ADSL: variants seen among roughly 807,000 people sequenced by gnomAD.
ADSL encodes adenylosuccinase.
A neutral mutation model predicts 62.1 loss-of-function variants in ADSL; 44 were observed. The ratio of observed to expected loss-of-function variants is 0.71; its 90% CI spans 0.56 to 0.91. ADSL has a LOEUF of 0.91. ADSL is among the 40% of genes least tolerant of loss of function. The probability of loss-of-function intolerance (pLI) is 0.00; values close to 1 mark genes in which losing one functional copy is unlikely to be tolerated. For synonymous variants in ADSL, 198 were observed against 220.5 expected, an observed-to-expected ratio of 0.90 and a Z score of 0.90; for missense variants, 531 against 627.4, an observed-to-expected ratio of 0.85 and a Z score of 1.64.
chr22:40,361,677 G>T, intron 9 of ADSL, 42 bp downstream of exon 9: 1 of 1,606,296 alleles, frequency 6.2e-7, no homozygotes, highest in South Asian at 1.1e-5. Flanking sequence ...GTTGAGTGGA[G>T]GTCTGAAGGA....
intron 8 of ADSL, 70 bp downstream of exon 8, chr22:40,361,412 AT>A (rs1443495208): frequency 2.5e-6 from 4 of 1,612,118 alleles, no homozygotes; most frequent in Non-Finnish European, 3.4e-6. Flanking sequence ...CTGAGAGCTC[AT>A]TCAGCATGCT....
chr22:40,375,169 G>T (rs971691182), intron 2 of ADSL, among the ~76,000 whole-genome samples: 3 of 152,146 alleles, frequency 2.0e-5, no homozygotes, highest in Admixed American at 6.6e-5. Flanking sequence ...CTTTTTCTAA[G>T]TGTGATACAT....
chr22:40,372,956 C>T (rs1458359749), downstream of ADSL: 2 of 152,124 alleles, frequency 1.3e-5, no homozygotes, highest in African/African-American at 2.4e-5. Context: ...CAGACTGTCA[C>T]AAGGAAATGG....
intron 6 of ADSL, among the ~76,000 whole-genome samples, chr22:40,359,758 C>G (rs981923372): frequency 6.6e-6 from 1 of 152,076 alleles, no homozygotes; most frequent in African/African-American, 2.4e-5. Flanking sequence ...GTCTCCAACT[C>G]CTGAGATCAA....
chr22:40,364,133 A>C (rs1229180900), intron 10 of ADSL, 143 bp from the exon 11 acceptor site: 1 of 718,238 alleles, frequency 1.4e-6, no homozygotes, highest in Non-Finnish European at 2.5e-6. Flanking sequence ...CTGAAAAAAC[A>C]TCATATAGAA....
chr22:40,359,974 T>C (rs894208864), intron 6 of ADSL, among the ~76,000 whole-genome samples: 1 of 152,242 alleles, frequency 6.6e-6, no homozygotes, highest in Non-Finnish European at 1.5e-5. Flanking sequence ...ACCATTTCCA[T>C]TGAGGTCCAC....
intron 4 of ADSL, among the ~76,000 whole-genome samples, chr22:40,355,201 A>C (rs1362455494): frequency 1.3e-5 from 2 of 152,004 alleles, no homozygotes; most frequent in Non-Finnish European, 2.9e-5. Flanking sequence ...CAGTGGTGTG[A>C]TTTTGGCTCA....
chr22:40,346,751 G>C, intron 1 of ADSL, 40 bp downstream of exon 1: 2 of 1,562,590 alleles, frequency 1.3e-6, no homozygotes, highest in Non-Finnish European at 1.7e-6. Flanking sequence ...CGGGAGGGAC[G>C]GGCCCGCCCC....
intron 9 of ADSL, among the ~76,000 whole-genome samples, chr22:40,361,952 G>A (rs1358897346): frequency 6.6e-6 from 1 of 152,220 alleles, no homozygotes; most frequent in African/African-American, 2.4e-5. Flanking sequence ...AAGGCACAAA[G>A]CAGGAGAAAA....
At chr22:40,362,667 C>T (rs1433826168) in intron 9 of ADSL, among the ~76,000 whole-genome samples, 1 of 152,058 alleles carries the variant, frequency 6.6e-6, no homozygotes, top group African/African-American at 2.4e-5. Context: ...GAGGCAGGAG[C>T]TACAAGGGAG....
chr22:40,361,033 C>T (rs2044763723), intron 7 of ADSL: 2 of 586,014 alleles, frequency 3.4e-6, no homozygotes, highest in African/African-American at 1.9e-5. Context: ...TTCCATGATG[C>T]CTTAAGCAGT....
intron 7 of ADSL, among the ~76,000 whole-genome samples, chr22:40,360,862 A>G (rs960696180): frequency 4.7e-4 from 72 of 152,112 alleles, no homozygotes; most frequent in Non-Finnish European, 8.7e-4. Context: ...GGCATGCACC[A>G]CAATGTCTGG....
At chr22:40,352,376 A>T (rs1455086408) in intron 2 of ADSL, among the ~76,000 whole-genome samples, 1 of 151,990 alleles carries the variant, frequency 6.6e-6, no homozygotes, top group Non-Finnish European at 1.5e-5. Context: ...AAAATACAAA[A>T]AATTAGCTGG....
At chr22:40,355,401 G>A (rs779204237) in intron 4 of ADSL, among the ~76,000 whole-genome samples, 7 of 151,968 alleles carry the variant, frequency 4.6e-5, no homozygotes, top group African/African-American at 1.4e-4. Flanking sequence ...CTTGAGATCC[G>A]CCCACCTCGG....
intron 2 of ADSL, among the ~76,000 whole-genome samples, chr22:40,377,734 T>C (rs1191025062): frequency 6.6e-6 from 1 of 151,504 alleles, no homozygotes; most frequent in African/African-American, 2.4e-5. Flanking sequence ...TAGTCCCAGC[T>C]ACTTGGGAGG....
intron 2 of ADSL, among the ~76,000 whole-genome samples, chr22:40,381,935 G>C (rs534487366): frequency 5.9e-5 from 9 of 152,298 alleles, no homozygotes; most frequent in African/African-American, 1.9e-4. Flanking sequence ...ACTCCAGCCT[G>C]GCAGACAAAG....
At chr22:40,380,656 A>G (rs925687225) in intron 2 of ADSL, among the ~76,000 whole-genome samples, 1 of 152,106 alleles carries the variant, frequency 6.6e-6, no homozygotes, top group Non-Finnish European at 1.5e-5. Context: ...TATAATCATA[A>G]AAACAGGCCT....
At chr22:40,352,900 A>G (rs2044403666) in intron 2 of ADSL, among the ~76,000 whole-genome samples, 173 bp from the exon 3 acceptor site, 1 of 152,254 alleles carries the variant, frequency 6.6e-6, no homozygotes, top group South Asian at 2.1e-4. Context: ...CTTTTCAAAC[A>G]GTAATCAGGA....
chr22:40,372,420 T>G (rs2045766791), downstream of ADSL, among the ~76,000 whole-genome samples: 1 of 152,146 alleles, frequency 6.6e-6, no homozygotes, highest in Non-Finnish European at 1.5e-5. Context: ...CCACCGTGCC[T>G]GGCCCTCCCT....
Sources: allele counts gnomAD v4.1 joint callset (sites outside exome capture counted in the v4.1 genomes callset), GRCh38; gene constraint gnomAD v4.1.1; transcripts MANE v1.5; gene names NCBI Gene and HGNC (gene_info 2026-07-23, HGNC 2026-07-21).